The following DYM variants were observed in gnomAD, a reference collection of about 807,000 sequenced individuals.
DYM encodes dyggve-Melchior-Clausen syndrome protein.
In DYM, 78 loss-of-function variants were observed where a neutral mutation model predicts 93.1. The observed-to-expected ratio is 0.84, with a 90% CI of 0.70 to 1.01. The LOEUF (loss-of-function observed/expected upper bound fraction) is 1.01, where lower values mean the gene tolerates loss of function less well. DYM is among the 50% of genes least tolerant of loss of function. The pLI is 0.00. For synonymous variants in DYM, 321 were observed against 319.7 expected (o/e 1.00, Z -0.04); for missense variants, 789 against 845.0 (o/e 0.93, Z 0.82).
chr18:49,267,932 A>G (rs77390589), intron 11 of DYM, among the ~76,000 whole-genome samples: 1,530 of 152,238 alleles, frequency 0.01, 42 homozygotes, highest in South Asian at 0.075. Context: ...AAAGTATCAA[A>G]TATCTTGACT....
chr18:49,271,165 T>G (rs924333155), intron 11 of DYM, among the ~76,000 whole-genome samples: 7 of 152,136 alleles, frequency 4.6e-5, no homozygotes, highest in African/African-American at 1.7e-4. Flanking sequence ...TGAATATATT[T>G]TGAGCAAATT....
At chr18:49,222,105 A>AC (rs148417153) in intron 13 of DYM, among the ~76,000 whole-genome samples, 4 of 144,592 alleles carry the variant, frequency 2.8e-5, no homozygotes, top group African/African-American at 1.2e-4. Context: ...AAACACACAC[A>AC]AAAAAATCCT....
In DYM at chr18:49,046,736, C is replaced by CA. The variant is rs1276363719; in HGVS notation, c.2026-2533dup. 2.0e-5 allele frequency among the ~76,000 whole-genome samples: 3 copies of CA among 152,108 alleles called. No individual in the cohort carries two copies. The East Asian group carries it at 5.8e-4, about 29-fold the overall frequency. On this transcript the variant is annotated intron_variant, in intron 17 of 17. Coordinates refer to ENST00000675505, the MANE Select transcript of DYM (RefSeq NM_001353214.3). ...GCAACCTAGCAAGACCCTATCTTTA[C>CA]AAAAAATTTAAAAATTAGCCAGATG...
chr18:49,317,163 G>C (rs2061997565), intron 8 of DYM, among the ~76,000 whole-genome samples: 4 of 152,120 alleles, frequency 2.6e-5, no homozygotes, highest in Admixed American at 2.6e-4. Context: ...TGTATATGAG[G>C]ACTGTATGTA....
intron 13 of DYM, among the ~76,000 whole-genome samples, chr18:49,210,454 G>A (rs1269596066): frequency 3.3e-5 from 5 of 152,170 alleles, no homozygotes; most frequent in African/African-American, 1.2e-4. Flanking sequence ...AATCTGCAAA[G>A]GCTACATATT....
At chr18:49,228,569 T>A (rs1410067093) in intron 13 of DYM, among the ~76,000 whole-genome samples, 1 of 152,166 alleles carries the variant, frequency 6.6e-6, no homozygotes, top group African/African-American at 2.4e-5. Context: ...ACATGATTAA[T>A]CTCACAGTTG....
At chr18:49,116,768 T>C (rs1172691316) in intron 16 of DYM, among the ~76,000 whole-genome samples, 2 of 152,220 alleles carry the variant, frequency 1.3e-5, no homozygotes, top group Non-Finnish European at 2.9e-5. Context: ...TCTTAGACTA[T>C]AAACCACAAT....
At chr18:49,226,362 T>C (rs888807183) in intron 13 of DYM, among the ~76,000 whole-genome samples, 2 of 152,144 alleles carry the variant, frequency 1.3e-5, no homozygotes, top group African/African-American at 4.8e-5. Context: ...ACAAAGCAAC[T>C]ATTTAAAAAG....
chr18:49,290,065 T>C (rs2060011016), intron 8 of DYM, among the ~76,000 whole-genome samples: 1 of 151,398 alleles, frequency 6.6e-6, no homozygotes, highest in African/African-American at 2.4e-5. Context: ...AGCCCAGCAA[T>C]TCTTTTTTTT....
intron 17 of DYM, among the ~76,000 whole-genome samples, chr18:49,089,878 C>A (rs2078886404): frequency 6.6e-6 from 1 of 152,172 alleles, no homozygotes; most frequent in South Asian, 2.1e-4. Context: ...TTTCTACAGT[C>A]CTTGTCCTGC....
intron 2 of DYM, among the ~76,000 whole-genome samples, chr18:49,428,679 AAAAT>A (rs759814341): frequency 1.6e-4 from 25 of 152,130 alleles, no homozygotes; most frequent in Non-Finnish European, 2.9e-4. Flanking sequence ...TCCCTCTCAA[AAAAT>A]AAATAAATAA....
At chr18:49,120,327 T>C (rs1357367423) in intron 15 of DYM, among the ~76,000 whole-genome samples, 1 of 152,096 alleles carries the variant, frequency 6.6e-6, no homozygotes, top group Admixed American at 6.6e-5. Flanking sequence ...CCCAACTATA[T>C]GCTATCTATG....
chr18:49,191,313 C>T (rs545283204), intron 14 of DYM, among the ~76,000 whole-genome samples: 56 of 146,974 alleles, frequency 3.8e-4, no homozygotes, highest in African/African-American at 1.2e-3. Flanking sequence ...AATTTTTCCT[C>T]TTCCAGTACT....
At chr18:49,145,923 T>A (rs922316955) in intron 15 of DYM, among the ~76,000 whole-genome samples, 2 of 152,124 alleles carry the variant, frequency 1.3e-5, no homozygotes, top group African/African-American at 4.8e-5. Flanking sequence ...TTTAGGAAGG[T>A]TTATATATTT....
intron 14 of DYM, among the ~76,000 whole-genome samples, chr18:49,170,780 C>CAAAAAAAAAAAAAAAAAA (rs34297501): frequency 3.2e-5 from 1 of 31,212 alleles, no homozygotes; most frequent in African/African-American, 1.4e-4. Flanking sequence ...GACTCCGTCT[C>CAAAAAAAAAAAAAAAAAA]AAAAAAAAAA....
chr18:49,380,327 T>C (rs972780454), intron 3 of DYM, among the ~76,000 whole-genome samples: 1 of 152,226 alleles, frequency 6.6e-6, no homozygotes, highest in Non-Finnish European at 1.5e-5. Context: ...TCAGAAGATT[T>C]AGTTTCTAGA....
chr18:49,378,988 G>A lies in DYM; in HGVS notation c.288-288C>T, dbSNP rs72642460. 4.4e-3 allele frequency among the ~76,000 whole-genome samples: 663 copies of A among 152,128 alleles called. 28 individuals are homozygous for A. The East Asian group carries it at 0.087, about 20-fold the overall frequency. On this transcript the variant is annotated intron_variant, in intron 4 of 17. Transcript: ENST00000675505. ...TCTTTGTTCTTAATAGGTATACCAC[G>A]TACATGCGATTAAAAGAGAAGAAAG...
intron 14 of DYM, among the ~76,000 whole-genome samples, chr18:49,173,264 A>G (rs1314097454): frequency 6.6e-6 from 1 of 152,130 alleles, no homozygotes; most frequent in Admixed American, 6.6e-5. Context: ...CTTCCAACTT[A>G]GGCTTTGTCA....
At chr18:49,113,511 TG>T (rs1321251610) in intron 16 of DYM, among the ~76,000 whole-genome samples, 5 of 152,228 alleles carry the variant, frequency 3.3e-5, no homozygotes, top group Admixed American at 3.3e-4. Flanking sequence ...TAGCCACTTC[TG>T]TCTTCTGAGA....
Sources: gnomAD v4.1 joint callset for allele counts (sites outside exome capture counted in the v4.1 genomes callset) on GRCh38, gnomAD v4.1.1 for gene constraint, MANE v1.5 for transcripts, NCBI Gene and HGNC (gene_info 2026-07-23, HGNC 2026-07-21) for gene names.